The following INPP4B variants were observed in gnomAD, a reference collection of about 807,000 sequenced individuals.
The protein encoded by INPP4B is inositol polyphosphate 4-phosphatase type II.
In INPP4B, 55 loss-of-function variants were observed where a neutral mutation model predicts 122.5. The ratio of observed to expected loss-of-function variants is 0.45; its 90% CI spans 0.36 to 0.56. The LOEUF (loss-of-function observed/expected upper bound fraction) is 0.56. INPP4B is among the 20% of genes least tolerant of loss of function. INPP4B has a pLI of 0.00. For missense variants in INPP4B, 1,000 were observed against 1,097.7 expected, an observed-to-expected ratio of 0.91 and a Z score of 1.26; for synonymous variants, 403 against 388.7, an observed-to-expected ratio of 1.04 and a Z score of -0.43.
chr4:142,317,446 C>T, intron 7 of INPP4B: 1 of 307,164 alleles, frequency 3.3e-6, no homozygotes, highest in South Asian at 3.7e-5. Flanking sequence ...GATGAATAAA[C>T]ATACGAAGGG....
chr4:142,581,535 TAGA>T (rs1735071410), intron 2 of INPP4B, among the ~76,000 whole-genome samples: 1 of 96,106 alleles, frequency 1.0e-5, no homozygotes, highest in African/African-American at 3.7e-5. Context: ...CTATTAGAAA[TAGA>T]TAGAAGTTCC....
At chr4:142,580,956 A>G (rs1325442682) in intron 2 of INPP4B, among the ~76,000 whole-genome samples, 1 of 152,052 alleles carries the variant, frequency 6.6e-6, no homozygotes, top group Non-Finnish European at 1.5e-5. Context: ...TAATTGTACA[A>G]TATGTATAGG....
At chr4:142,061,813 TATAAA>T (rs745385814) in intron 25 of INPP4B, among the ~76,000 whole-genome samples, 2 of 144,746 alleles carry the variant, frequency 1.4e-5, no homozygotes, top group African/African-American at 2.7e-5. Flanking sequence ...ATATAGAAAA[TATAAA>T]ATGTCATATA....
At chr4:142,260,400 A>G (rs1467673777) in intron 11 of INPP4B, 92 bp downstream of exon 11, 2 of 808,658 alleles carry the variant, frequency 2.5e-6, no homozygotes, top group Non-Finnish European at 4.2e-6. Flanking sequence ...AGCTTCACAA[A>G]CAACTGTGAG....
intron 5 of INPP4B, among the ~76,000 whole-genome samples, chr4:142,412,590 A>G (rs1804847746): frequency 6.6e-6 from 1 of 152,162 alleles, no homozygotes; most frequent in Admixed American, 6.6e-5. Flanking sequence ...CTTCACTACT[A>G]TCTGTTTATG....
intron 9 of INPP4B, among the ~76,000 whole-genome samples, chr4:142,280,922 G>C (rs768099214): frequency 1.2e-4 from 18 of 151,926 alleles, no homozygotes; most frequent in Admixed American, 3.9e-4. Context: ...TATAGGAAAG[G>C]AAGAAATTTC....
intron 2 of INPP4B, among the ~76,000 whole-genome samples, chr4:142,621,472 G>A (rs536687422): frequency 6.6e-6 from 1 of 151,962 alleles, no homozygotes; most frequent in South Asian, 2.1e-4. Flanking sequence ...GATTCAGGAG[G>A]AAAAGAAATA....
At chr4:142,308,145 T>C (rs1764146835) in intron 8 of INPP4B, among the ~76,000 whole-genome samples, 1 of 152,198 alleles carries the variant, frequency 6.6e-6, no homozygotes, top group African/African-American at 2.4e-5. Context: ...AGGGCTGCAC[T>C]GTGAGTGCAT....
At chr4:142,675,076 T>C (rs146779775) in intron 2 of INPP4B, among the ~76,000 whole-genome samples, 4,368 of 152,254 alleles carry the variant, frequency 0.029, 196 homozygotes, top group African/African-American at 0.097. Context: ...GAGGTGGTTT[T>C]TTGAAAAGAT....
intron 7 of INPP4B, among the ~76,000 whole-genome samples, chr4:142,350,870 G>A (rs943467123): frequency 1.3e-5 from 2 of 151,990 alleles, no homozygotes; most frequent in African/African-American, 4.8e-5. Context: ...TGCTATGGCT[G>A]AGACTCTCAA....
At chr4:142,176,697 T>C (rs1384172537) in intron 15 of INPP4B, among the ~76,000 whole-genome samples, 1 of 152,122 alleles carries the variant, frequency 6.6e-6, no homozygotes, top group East Asian at 1.9e-4. Flanking sequence ...AAAATGCAGA[T>C]TCCTTGGCAA....
chr4:142,434,552 A>T (rs1026788327), intron 3 of INPP4B, among the ~76,000 whole-genome samples: 1 of 152,196 alleles, frequency 6.6e-6, no homozygotes. Flanking sequence ...TCACTCATGG[A>T]TAAGCCTGAG....
chr4:142,246,754 C>A (rs1334317891), intron 11 of INPP4B, among the ~76,000 whole-genome samples: 1 of 152,038 alleles, frequency 6.6e-6, no homozygotes, highest in Non-Finnish European at 1.5e-5. Flanking sequence ...AGAGACAATT[C>A]GACTTCCTCT....
At chr4:142,562,641 G>A (rs923801407) in intron 2 of INPP4B, among the ~76,000 whole-genome samples, 2 of 151,804 alleles carry the variant, frequency 1.3e-5, no homozygotes, top group African/African-American at 4.8e-5. Flanking sequence ...CCAACAGGTT[G>A]CACAAAACCC....
intron 17 of INPP4B, among the ~76,000 whole-genome samples, chr4:142,160,037 T>C (rs1421972535): frequency 2.6e-5 from 4 of 152,080 alleles, no homozygotes; most frequent in African/African-American, 7.2e-5. Context: ...GGTTTTTTAT[T>C]CTTTTTCTAA....
intron 2 of INPP4B, among the ~76,000 whole-genome samples, chr4:142,492,510 T>C (rs1327358520): frequency 6.6e-6 from 1 of 152,124 alleles, no homozygotes; most frequent in African/African-American, 2.4e-5. Context: ...TTGACCAAAA[T>C]GCGAATAGTG....
intron 25 of INPP4B, among the ~76,000 whole-genome samples, chr4:142,076,391 T>C (rs1770727644): frequency 6.6e-6 from 1 of 152,052 alleles, no homozygotes; most frequent in Admixed American, 6.6e-5. Flanking sequence ...CTAAGATGTG[T>C]ATTCTTTGCA....
At position 142,145,876 on chromosome 4, in the gene INPP4B, G is replaced by A; in HGVS notation, c.1684C>T (p.Pro562Ser). 1.2e-6 allele frequency: 2 copies of A among 1,613,626 alleles called. No individual in the cohort carries two copies. The highest frequency in any genetic ancestry group is 1.3e-5 in the African/African-American group (1 of 74,958). The change falls in exon 18 of 26, where the codon CCT (proline) becomes TCT (serine). Residue 562 changes from proline (P) to serine (S), a missense_variant. By Grantham distance (74) the Pro-to-Ser change is moderately conservative. Transcript: ENST00000262992. ...GAGGGAATGGCATCTGTTAATGAAG[G>A]TTCCTTTTCTCCATCATTGTTGCCG... ...SGGNNDGEKE[P>S]SLTDAIPSHP... is the part of the protein sequence containing the mutation.
chr4:142,770,105 GA>G (rs544576028), intron 1 of INPP4B, among the ~76,000 whole-genome samples: 1 of 151,724 alleles, frequency 6.6e-6, no homozygotes, highest in Non-Finnish European at 1.5e-5. Flanking sequence ...CGTGTGGTGT[GA>G]AAAAAAATTA....
Sources: gnomAD v4.1 joint callset for allele counts (sites outside exome capture counted in the v4.1 genomes callset) on GRCh38, gnomAD v4.1.1 for gene constraint, MANE v1.5 for transcripts, NCBI Gene and HGNC (gene_info 2026-07-23, HGNC 2026-07-21) for gene names.